Variants in DENND1B observed in about 807,000 individuals in gnomAD.
DENND1B encodes the protein DENN domain containing 1B, also known as DENN domain-containing protein 1B.
Under a neutral mutation model 90.1 loss-of-function variants are expected in DENND1B, and 59 were observed. The observed-to-expected ratio is 0.65, with a 90% CI of 0.53 to 0.81. The LOEUF (loss-of-function observed/expected upper bound fraction) is 0.81. Among genes scored for constraint, DENND1B ranks in the 40% least tolerant of loss-of-function variants. DENND1B has a pLI of 0.00. For synonymous variants in DENND1B, 337 were observed against 324.6 expected, an observed-to-expected ratio of 1.04 and a Z score of -0.41; for missense variants, 862 against 912.6, an observed-to-expected ratio of 0.94 and a Z score of 0.71.
At chr1:197,751,059 A>G (rs1341197335) in intron 2 of DENND1B, among the ~76,000 whole-genome samples, 1 of 152,204 alleles carries the variant, frequency 6.6e-6, no homozygotes, top group Admixed American at 6.5e-5. Context: ...AAAACATAAA[A>G]GGTTCGAAAA....
At chr1:197,554,390 C>G (rs947802713) in intron 15 of DENND1B, among the ~76,000 whole-genome samples, 1 of 151,580 alleles carries the variant, frequency 6.6e-6, no homozygotes, top group East Asian at 1.9e-4. Context: ...ATTTTTTACC[C>G]TAGAAATTTA....
At chr1:197,688,294 A>G (rs900066718) in intron 3 of DENND1B, among the ~76,000 whole-genome samples, 20 of 152,276 alleles carry the variant, frequency 1.3e-4, no homozygotes, top group African/African-American at 4.8e-4. Context: ...TCCCAATGGC[A>G]TTTTTCATGG....
At chr1:197,713,810 AT>A (rs1660252296) in intron 3 of DENND1B, among the ~76,000 whole-genome samples, 1 of 61,660 alleles carries the variant, frequency 1.6e-5, no homozygotes, top group African/African-American at 7.4e-5. Flanking sequence ...ATTATAATAT[AT>A]TATATATAAT....
chr1:197,713,773 T>G (rs1372311762), intron 3 of DENND1B, among the ~76,000 whole-genome samples: 1 of 18,036 alleles, frequency 5.5e-5, no homozygotes, highest in Non-Finnish European at 8.1e-5. Context: ...TATATTATAT[T>G]ATTATATTAT....
At chr1:197,730,224 G>C (rs1662028027) in intron 2 of DENND1B, among the ~76,000 whole-genome samples, 1 of 151,914 alleles carries the variant, frequency 6.6e-6, no homozygotes, top group Admixed American at 6.6e-5. Flanking sequence ...CCTTTTTACA[G>C]GTAGAAAAGA....
At chr1:197,522,240 C>T (rs10737690) in intron 20 of DENND1B, among the ~76,000 whole-genome samples, 145,152 of 152,130 alleles carry the variant, frequency 0.95, 69,619 homozygotes, top group East Asian at 1. Flanking sequence ...GGCAAAAAGG[C>T]AAACTGGAAG....
chr1:197,538,232 C>A (rs562507038), intron 20 of DENND1B, among the ~76,000 whole-genome samples: 2 of 151,968 alleles, frequency 1.3e-5, no homozygotes, highest in South Asian at 2.1e-4. Context: ...CCATATTAAG[C>A]CATAAACATT....
intron 18 of DENND1B, among the ~76,000 whole-genome samples, chr1:197,544,424 G>A (rs927077933): frequency 2.0e-5 from 3 of 152,176 alleles, no homozygotes; most frequent in Admixed American, 6.5e-5. Context: ...ACGTTCTGAG[G>A]AGTAGGGGGA....
chr1:197,647,180 G>A (rs1297036632), intron 7 of DENND1B, 66 bp from the exon 8 acceptor site: 1 of 1,171,658 alleles, frequency 8.5e-7, no homozygotes, highest in African/African-American at 1.6e-5. Context: ...ACAACAATTT[G>A]CTGTGTAATT....
intron 15 of DENND1B, among the ~76,000 whole-genome samples, chr1:197,562,548 G>A (rs909301846): frequency 3.3e-5 from 5 of 151,732 alleles, no homozygotes; most frequent in Non-Finnish European, 5.9e-5. Flanking sequence ...TTGTTTTAGG[G>A]TGCCAGGAAC....
At chr1:197,629,825 T>C (rs1020347999) in intron 10 of DENND1B, among the ~76,000 whole-genome samples, 1 of 151,998 alleles carries the variant, frequency 6.6e-6, no homozygotes, top group Non-Finnish European at 1.5e-5. Flanking sequence ...TTATCCAAAA[T>C]ATACAAAACT....
At chr1:197,575,082 G>T (rs1673540399) in intron 15 of DENND1B, among the ~76,000 whole-genome samples, 1 of 152,122 alleles carries the variant, frequency 6.6e-6, no homozygotes, top group Non-Finnish European at 1.5e-5. Context: ...AGCCAAAATA[G>T]ACAAATGGGA....
At chr1:197,780,576 G>A (rs774679545), upstream of DENND1B, among the ~76,000 whole-genome samples, 1 of 151,884 alleles carries the variant, frequency 6.6e-6, no homozygotes, top group African/African-American at 2.4e-5. Flanking sequence ...CACCCACCTC[G>A]GCCTCCCAAA....
intron 3 of DENND1B, among the ~76,000 whole-genome samples, chr1:197,678,233 A>G (rs896169921): frequency 6.6e-6 from 1 of 152,212 alleles, no homozygotes; most frequent in African/African-American, 2.4e-5. Context: ...GAAGTATATT[A>G]TATTTTATTT....
intron 3 of DENND1B, among the ~76,000 whole-genome samples, chr1:197,700,647 G>A (rs1658931409): frequency 6.6e-6 from 1 of 152,116 alleles, no homozygotes; most frequent in African/African-American, 2.4e-5. Flanking sequence ...TCATCAGAAT[G>A]AACAGGCAAC....
intron 15 of DENND1B, among the ~76,000 whole-genome samples, chr1:197,554,684 C>CA (rs565308991): frequency 7.1e-4 from 107 of 150,738 alleles, no homozygotes; most frequent in Non-Finnish European, 1.1e-3. Context: ...CTAAAAAATA[C>CA]AAAAAATATT....
intron 15 of DENND1B, among the ~76,000 whole-genome samples, chr1:197,559,189 T>G (rs1157059618): frequency 6.6e-6 from 1 of 151,960 alleles, no homozygotes; most frequent in Non-Finnish European, 1.5e-5. Flanking sequence ...CCCTTAGTGG[T>G]CTAGACACAT....
intron 2 of DENND1B, among the ~76,000 whole-genome samples, chr1:197,755,424 C>A (rs1654154074): frequency 2.0e-5 from 3 of 148,622 alleles, no homozygotes; most frequent in African/African-American, 2.5e-5. Context: ...AGTATACTGC[C>A]CAACAGAAAA....
chr1:197,505,965 A>C lies in DENND1B; in HGVS notation c.*4495T>G, dbSNP rs1667711303. On this transcript the variant is annotated 3_prime_UTR_variant, in exon 23 of 23. Transcript: ENST00000620048. ...TACAGGATTTTCTTATTGCATATTT[A>C]TTGTTGCTGAGGCAGTTAGTTATGA... 1 of 151,572 alleles carries C rather than the reference A, an allele frequency of 6.6e-6. No homozygotes were observed. The highest frequency in any genetic ancestry group is 1.5e-5 in the Non-Finnish European group (1 of 67,684). 9.4% of individuals were successfully genotyped at this position (151,572 alleles called of 1,614,324 possible).
Sources: gnomAD v4.1 joint callset for allele counts (sites outside exome capture counted in the v4.1 genomes callset) on GRCh38, gnomAD v4.1.1 for gene constraint, MANE v1.5 for transcripts, NCBI Gene and HGNC (gene_info 2026-07-23, HGNC 2026-07-21) for gene names.